Variants in TMEM40 observed in about 807,000 individuals in gnomAD.
TMEM40 encodes transmembrane protein 40.
In TMEM40, 34 loss-of-function variants were observed where a neutral mutation model predicts 40.8. The ratio of observed to expected loss-of-function variants is 0.83; its 90% CI spans 0.63 to 1.11. TMEM40 has a LOEUF of 1.11. Ranked by LOEUF, TMEM40 falls within the 50% of genes least tolerant of loss-of-function variation. The pLI, the probability that TMEM40 is intolerant of heterozygous loss-of-function variation, is 0.00. For synonymous variants in TMEM40, 106 were observed against 107.0 expected (o/e 0.99, Z 0.06); for missense variants, 296 against 280.2 (o/e 1.06, Z -0.40).
chr3:12,738,634 G>T (rs200251188), intron 5 of TMEM40, 46 bp from the exon 6 acceptor site: 112 of 1,598,250 alleles, frequency 7.0e-5, no homozygotes, highest in South Asian at 2.6e-4. Context: ...GATCCTCTGG[G>T]GGGGGAGAAG....
Position 12,734,753 on chromosome 3 carries a change from G to A in TMEM40, c.*21C>T, listed in dbSNP as rs961590176. On this transcript the variant is annotated 3_prime_UTR_variant, in exon 12 of 12. Coordinates refer to ENST00000314124, the MANE Select transcript of TMEM40 (RefSeq NM_018306.4). ...GGTGGTCACACTGGGGCCTGCCTCT[G>A]CTGCCCACCTGGAAGTGGCCTCAGT... 37 of 1,590,050 alleles carry A rather than the reference G, an allele frequency of 2.3e-5. No individual in the cohort carries two copies. The highest frequency in any genetic ancestry group is 3.2e-5 in the Non-Finnish European group (37 of 1,169,210).
At chr3:12,738,525 G>T (rs370272957) in intron 6 of TMEM40, 28 bp downstream of exon 6, 1 of 1,613,388 alleles carries the variant, frequency 6.2e-7, no homozygotes, top group Non-Finnish European at 8.5e-7. Flanking sequence ...CAGCACCAAC[G>T]ACCTCTCTCC....
At chr3:12,742,238 C>A (rs2061389197) in intron 5 of TMEM40, among the ~76,000 whole-genome samples, 1 of 151,950 alleles carries the variant, frequency 6.6e-6, no homozygotes, top group South Asian at 2.1e-4. Context: ...TCAAAACAAA[C>A]AAACAAAAAC....
At chr3:12,748,852 ACC>A in intron 2 of TMEM40, 60 bp from the exon 3 acceptor site, 13 of 1,460,132 alleles carry the variant, frequency 8.9e-6, no homozygotes, top group Non-Finnish European at 1.2e-5. Flanking sequence ...CCCAGGGACC[ACC>A]CAGTCCTCTC....
intron 1 of TMEM40, among the ~76,000 whole-genome samples, chr3:12,757,667 G>A (rs1200917993): frequency 6.6e-6 from 1 of 152,050 alleles, no homozygotes; most frequent in East Asian, 1.9e-4. Flanking sequence ...TGGTCACTTT[G>A]GAAAACAGTT....
At chr3:12,765,591 G>A (rs189140731) in intron 1 of TMEM40, among the ~76,000 whole-genome samples, 26 of 146,692 alleles carry the variant, frequency 1.8e-4, no homozygotes, top group Non-Finnish European at 3.0e-4. Flanking sequence ...TTTTTGAGAC[G>A]GAGTCTCGCT....
chr3:12,745,897 G>T (rs55744127), intron 3 of TMEM40, among the ~76,000 whole-genome samples: 11,992 of 150,804 alleles, frequency 0.08, 1,292 homozygotes, highest in African/African-American at 0.24. Context: ...TTTTTCTTTT[G>T]CTTTTTCTTT....
intron 3 of TMEM40, among the ~76,000 whole-genome samples, chr3:12,747,083 C>T (rs756578983): frequency 4.6e-5 from 7 of 152,142 alleles, no homozygotes; most frequent in East Asian, 1.9e-4. Context: ...AACAAACCCA[C>T]GGGACCCACC....
upstream of TMEM40, among the ~76,000 whole-genome samples, chr3:12,761,039 CA>C (rs1311712722): frequency 2.6e-5 from 4 of 152,224 alleles, no homozygotes; most frequent in African/African-American, 9.6e-5. Flanking sequence ...ATCTGGCCCT[CA>C]ATACATTTGT....
rs182718626 is a variant in TMEM40 at position 12,765,532 on chromosome 3, C to T, written c.-9+3719G>A. On this transcript the variant is annotated intron_variant, in intron 1 of 11. Transcript: ENST00000264728. ...GACAAGAAGGTCCACTAAATGGTTGCTTTGGGTTCTAAAGAAAAATGGCTG... is the reference window on the plus strand; with the variant it reads ...GACAAGAAGGTCCACTAAATGGTTGTTTTGGGTTCTAAAGAAAAATGGCTG... Among the ~76,000 whole-genome samples, 7 of 150,314 alleles carry T rather than the reference C, an allele frequency of 4.7e-5. No individual in the cohort carries two copies. The East Asian group carries it at 1.4e-3, about 29-fold the overall frequency.
chr3:12,750,451 T>G (rs1422716232), intron 1 of TMEM40, among the ~76,000 whole-genome samples: 3 of 152,164 alleles, frequency 2.0e-5, no homozygotes, highest in Admixed American at 6.5e-5. Flanking sequence ...GGAAAGAAGT[T>G]TCTTTTAATG....
At chr3:12,737,939 C>T in intron 7 of TMEM40, 185 bp from the exon 8 acceptor site, 2 of 925,928 alleles carry the variant, frequency 2.2e-6, no homozygotes, top group Non-Finnish European at 3.4e-6. Context: ...CTGACTTCCT[C>T]CTCCTTCCTT....
intron 1 of TMEM40, among the ~76,000 whole-genome samples, chr3:12,765,497 T>C (rs1392575280): frequency 3.3e-5 from 5 of 152,060 alleles, no homozygotes; most frequent in Middle Eastern, 3.4e-3. Flanking sequence ...TGGAGATCCG[T>C]TTGAAGAGAG....
At chr3:12,756,831 C>T (rs1478240239) in intron 1 of TMEM40, among the ~76,000 whole-genome samples, 1 of 151,952 alleles carries the variant, frequency 6.6e-6, no homozygotes, top group Non-Finnish European at 1.5e-5. Context: ...CACTCTGTCT[C>T]TCACAACACA....
chr3:12,769,316 G>T, exon 1 of TMEM40: 1 of 354,842 alleles, frequency 2.8e-6, no homozygotes, highest in South Asian at 1.9e-5. Context: ...CCACAGTGCA[G>T]CAGCGGGCTG....
intron 9 of TMEM40, 54 bp from the exon 10 acceptor site, chr3:12,736,706 C>T: frequency 6.2e-7 from 1 of 1,613,542 alleles, no homozygotes; most frequent in Non-Finnish European, 8.5e-7. Flanking sequence ...GACGCCCCTG[C>T]CCCCTGCACC....
chr3:12,747,107 C>CG (rs1196205593), intron 3 of TMEM40, among the ~76,000 whole-genome samples: 1 of 152,068 alleles, frequency 6.6e-6, no homozygotes, highest in Non-Finnish European at 1.5e-5. Context: ...CACTCTCCCT[C>CG]GCCTGCTGAA....
At chr3:12,756,136 A>G (rs780261971) in intron 1 of TMEM40, among the ~76,000 whole-genome samples, 1 of 152,202 alleles carries the variant, frequency 6.6e-6, no homozygotes, top group African/African-American at 2.4e-5. Flanking sequence ...AACTCAAAAT[A>G]CACAATAATA....
At position 12,738,469 on chromosome 3, in the gene TMEM40, G is replaced by T. The variant is rs905841411; in HGVS notation, c.391+84C>A. 9.6e-6 allele frequency: 14 copies of T among 1,458,324 alleles called. No homozygotes were observed. The African/African-American group carries it at 1.3e-4, about 13-fold the overall frequency. 90.3% of individuals were successfully genotyped at this position (1,458,324 alleles called of 1,614,324 possible). ...CTCAGAGCCAGGTATCCCAACAGGT[G>T]CTGGCTCTCTTGGGGGAGAGGTGAT... On this transcript the variant is annotated intron_variant, in intron 6 of 11. Coordinates refer to ENST00000314124, the MANE Select transcript of TMEM40 (RefSeq NM_018306.4).
Sources: gnomAD v4.1 joint callset for allele counts (sites outside exome capture counted in the v4.1 genomes callset) on GRCh38, gnomAD v4.1.1 for gene constraint, MANE v1.5 for transcripts, NCBI Gene and HGNC (gene_info 2026-07-23, HGNC 2026-07-21) for gene names.